The following SPIRE1 variants were observed in gnomAD, a reference collection of about 807,000 sequenced individuals.
The protein encoded by SPIRE1 is spire type actin nucleation factor 1, also known as protein spire homolog 1.
A neutral mutation model predicts 94.1 loss-of-function variants in SPIRE1; 40 were observed. The observed-to-expected ratio is 0.43, with a 90% confidence interval of 0.33 to 0.55. The LOEUF is 0.55. Ranked by LOEUF, SPIRE1 falls within the 20% of genes least tolerant of loss-of-function variation. The pLI is 0.06. For synonymous variants in SPIRE1, 376 were observed against 371.7 expected (o/e 1.01, Z -0.13); for missense variants, 838 against 975.2 (o/e 0.86, Z 1.87).
intron 2 of SPIRE1, among the ~76,000 whole-genome samples, chr18:12,596,118 C>G (rs1256925625): frequency 1.3e-5 from 2 of 152,176 alleles, no homozygotes; most frequent in Admixed American, 1.3e-4. Flanking sequence ...AAGGGCAGAT[C>G]TGCAATCAAG....
chr18:12,604,751 AT>A (rs1487563483), intron 2 of SPIRE1, among the ~76,000 whole-genome samples: 4 of 152,284 alleles, frequency 2.6e-5, no homozygotes, highest in South Asian at 2.1e-4. Flanking sequence ...TTGGACATAA[AT>A]CAGATCACAT....
chr18:12,637,306 C>A (rs1477738845), intron 1 of SPIRE1, among the ~76,000 whole-genome samples: 1 of 149,318 alleles, frequency 6.7e-6, no homozygotes, highest in Non-Finnish European at 1.5e-5. Flanking sequence ...TTGCAGTGAG[C>A]CGAGATTGCG....
intron 10 of SPIRE1, among the ~76,000 whole-genome samples, chr18:12,469,594 ATTT>A (rs1414213393): frequency 2.1e-5 from 3 of 144,758 alleles, no homozygotes; most frequent in Non-Finnish European, 4.5e-5. Context: ...AGTATATATT[ATTT>A]ATATATTTAT....
upstream of SPIRE1, among the ~76,000 whole-genome samples, chr18:12,660,901 T>C (rs2038683726): frequency 6.6e-6 from 1 of 152,234 alleles, no homozygotes; most frequent in Non-Finnish European, 1.5e-5. Context: ...AAGGAAAATC[T>C]TTAAAATCCT....
chr18:12,573,580 A>G (rs375532479), intron 2 of SPIRE1, among the ~76,000 whole-genome samples: 2 of 152,344 alleles, frequency 1.3e-5, no homozygotes, highest in African/African-American at 4.8e-5. Context: ...GGGTAAACAA[A>G]CTGTGGTAAA....
intron 2 of SPIRE1, among the ~76,000 whole-genome samples, chr18:12,550,924 T>C (rs2035330894): frequency 6.6e-6 from 1 of 152,214 alleles, no homozygotes; most frequent in African/African-American, 2.4e-5. Flanking sequence ...CCTGCAACTG[T>C]TTAATTGATG....
At chr18:12,549,746 A>G (rs760748378) in intron 2 of SPIRE1, among the ~76,000 whole-genome samples, 1 of 151,594 alleles carries the variant, frequency 6.6e-6, no homozygotes, top group Non-Finnish European at 1.5e-5. Flanking sequence ...ACCGTGCCCA[A>G]TCAACCCTAT....
chr18:12,661,062 G>C (rs963876320), upstream of SPIRE1, among the ~76,000 whole-genome samples: 1 of 151,910 alleles, frequency 6.6e-6, no homozygotes, highest in Non-Finnish European at 1.5e-5. Context: ...AATCCCAGCA[G>C]TTTGGGAGGC....
At chr18:12,654,368 T>A (rs1265122901) in intron 1 of SPIRE1, among the ~76,000 whole-genome samples, 2 of 135,612 alleles carry the variant, frequency 1.5e-5, no homozygotes, top group African/African-American at 5.6e-5. Context: ...AAAATTTGGC[T>A]GGGCACGGTG....
intron 2 of SPIRE1, among the ~76,000 whole-genome samples, chr18:12,591,114 G>C (rs2036522418): frequency 6.6e-6 from 1 of 152,160 alleles, no homozygotes; most frequent in Admixed American, 6.5e-5. Context: ...GTGGCTATTA[G>C]GGTAGTAGTT....
chr18:12,658,354 C>T (rs1333811210), upstream of SPIRE1: 2 of 419,822 alleles, frequency 4.8e-6, no homozygotes, highest in Non-Finnish European at 9.5e-6. Flanking sequence ...GTGAGGGCGG[C>T]GACGCACGGT....
intron 4 of SPIRE1, among the ~76,000 whole-genome samples, chr18:12,519,314 C>T (rs1293985138): frequency 2.0e-5 from 3 of 152,026 alleles, no homozygotes; most frequent in African/African-American, 4.8e-5. Flanking sequence ...CTCTATTCTT[C>T]CAGTATTTTT....
chr18:12,520,200 C>T (rs555266984), intron 4 of SPIRE1, among the ~76,000 whole-genome samples: 16 of 151,976 alleles, frequency 1.1e-4, no homozygotes, highest in Admixed American at 2.0e-4. Flanking sequence ...TACTGATATG[C>T]GCTTGTTAGT....
At position 12,453,123 on chromosome 18, in the gene SPIRE1, G is replaced by A. The variant is rs2031326522; in HGVS notation, c.1792C>T (p.Arg598Ter). ...LKKGKLCFCC[R>*]TRRFSFFTWS... ...GTGAAGAAGGAAAACCTCCTGGTTC[G>A]GCAACAAAAGCAGAGCTAAAAAATA... Residue 598 changes from arginine (R) to a stop codon, truncating the protein, a stop_gained, in exon 14 of 17, where the codon CGA (arginine) becomes TGA (stop). Transcript: ENST00000409402. LOFTEE classifies it high-confidence loss of function. 1 of 1,606,686 alleles carries A rather than the reference G, an allele frequency of 6.2e-7. No homozygotes were observed. The highest frequency in any genetic ancestry group is 8.5e-7 in the Non-Finnish European group (1 of 1,177,900).
chr18:12,554,622 C>T (rs949212989), intron 2 of SPIRE1, among the ~76,000 whole-genome samples: 2 of 152,158 alleles, frequency 1.3e-5, no homozygotes, highest in Non-Finnish European at 2.9e-5. Flanking sequence ...GGGAATATTT[C>T]TTCCAAACTC....
intron 2 of SPIRE1, among the ~76,000 whole-genome samples, chr18:12,556,183 C>T (rs1404124228): frequency 6.6e-6 from 1 of 151,840 alleles, no homozygotes; most frequent in Non-Finnish European, 1.5e-5. Context: ...GAAAGATAGT[C>T]GATGTTCATG....
chr18:12,610,147 T>C (rs571089543), intron 2 of SPIRE1, among the ~76,000 whole-genome samples: 7 of 152,166 alleles, frequency 4.6e-5, no homozygotes, highest in African/African-American at 1.7e-4. Context: ...CTCCCCAAGT[T>C]ACCCGTTCTC....
chr18:12,513,767 C>A (rs1202030928), intron 4 of SPIRE1, among the ~76,000 whole-genome samples: 1 of 152,166 alleles, frequency 6.6e-6, no homozygotes, highest in Non-Finnish European at 1.5e-5. Flanking sequence ...AGGTGATCCA[C>A]CCGCCTCGGC....
intron 2 of SPIRE1, among the ~76,000 whole-genome samples, chr18:12,553,301 C>T (rs887057654): frequency 1.3e-5 from 2 of 152,192 alleles, no homozygotes; most frequent in Non-Finnish European, 2.9e-5. Flanking sequence ...GGACTTGGCT[C>T]TAGGACAGCA....
Sources: allele counts gnomAD v4.1 joint callset (sites outside exome capture counted in the v4.1 genomes callset), GRCh38; gene constraint gnomAD v4.1.1; transcripts MANE v1.5; gene names NCBI Gene and HGNC (gene_info 2026-07-23, HGNC 2026-07-21).